The following SEMA6C variants were observed in gnomAD, a reference collection of about 807,000 sequenced individuals.
SEMA6C encodes semaphorin-6C.
In SEMA6C, 37 loss-of-function variants were observed where a neutral mutation model predicts 72.9. The observed-to-expected ratio is 0.51, with a 90% CI of 0.39 to 0.67. The LOEUF (loss-of-function observed/expected upper bound fraction) is 0.67, where lower values mean the gene tolerates loss of function less well. Among genes scored for constraint, SEMA6C ranks in the 30% least tolerant of loss-of-function variants. The pLI, the probability that SEMA6C is intolerant of heterozygous loss-of-function variation, is 0.00. For missense variants in SEMA6C, 1,189 were observed against 1,263.6 expected, an observed-to-expected ratio of 0.94 and a Z score of 0.89; for synonymous variants, 578 against 554.1, an observed-to-expected ratio of 1.04 and a Z score of -0.61.
In SEMA6C at chr1:151,132,935, C is replaced by T. The variant is rs986544794; in HGVS notation, c.2342G>A (p.Arg781Lys). 7 of 1,398,390 alleles carry T rather than the reference C, an allele frequency of 5.0e-6. No individual in the cohort carries two copies. The highest frequency in any genetic ancestry group is 6.5e-6 in the Non-Finnish European group (7 of 1,074,050). The allele number at this position is 1,398,390 out of a possible 1,614,324, so 86.6% of individuals were successfully genotyped here. A position where few individuals can be genotyped will look rare whatever the true frequency, so the allele number is the denominator to read the frequency against. ...AGGGGCGGGGGGCTCGGCCCCCTTT[C>T]TGGGCGGCTGCGGGCCGTGCAGGTA... ...LRYLHGPQPP[R>K]KGAEPPAPLT... is the part of the protein sequence containing the mutation. Residue 781 changes from arginine (R) to lysine (K), a missense_variant, in exon 19 of 19, where the codon AGA (arginine) becomes AAA (lysine). Arg to Lys is a conservative substitution (Grantham distance 26). Coordinates refer to ENST00000368914, the MANE Select transcript of SEMA6C (RefSeq NM_030913.6).
In SEMA6C at chr1:151,137,003, G is replaced by A. The variant is rs754057834; in HGVS notation, c.828C>T (p.His276=). The change falls in exon 11 of 19, where the codon CAC becomes CAT. Residue 276 remains histidine, a synonymous_variant. Coordinates refer to ENST00000368914, the MANE Select transcript of SEMA6C (RefSeq NM_030913.6). ...MGGSPRALDR[H]WTSFLKLRLN... Reference sequence around the variant, plus strand: ...GCCGAAGCTTCAGGAAGGATGTCCAGTGGCGGTCCAAGGCCCGAGGCGAGC... The same window carrying A: ...GCCGAAGCTTCAGGAAGGATGTCCAATGGCGGTCCAAGGCCCGAGGCGAGC... The A allele has an allele frequency of 2.1e-5, 34 of 1,614,068 alleles. No homozygotes were observed. Among genetic ancestry groups the A allele is most frequent in the Non-Finnish European group, 2.6e-5 (31 of 1,180,056 alleles).
chr1:151,139,092 CAAAAAAAAAA>C (rs887064091), intron 6 of SEMA6C, among the ~76,000 whole-genome samples: 2 of 53,108 alleles, frequency 3.8e-5, no homozygotes, highest in East Asian at 1.1e-3. Flanking sequence ...GACTCCGTCT[CAAAAAAAAAA>C]AAAAAAAAAG....
chr1:151,132,725 C>A lies in SEMA6C; in HGVS notation c.2552G>T (p.Arg851Met). 6.8e-7 allele frequency: 1 copy of A among 1,471,904 alleles called. No homozygotes were observed. Among genetic ancestry groups the A allele is most frequent in the Non-Finnish European group, 9.0e-7 (1 of 1,111,152 alleles). 91.2% of individuals were successfully genotyped at this position (1,471,904 alleles called of 1,614,324 possible). The change falls in exon 19 of 19, where the codon AGG becomes ATG. Residue 851 changes from arginine (R) to methionine (M), a missense_variant. Arg to Met is a moderately conservative substitution (Grantham distance 91). Around this residue, in one of 2 missense-constraint regions of SEMA6C, gnomAD observed 721 missense variants for 686.2 expected, o/e 1.05. Coordinates refer to ENST00000368914, the MANE Select transcript of SEMA6C (RefSeq NM_030913.6). ...APRLGVGGGR[R>M]LPFSGHRAPP... The stretch of plus-strand genomic sequence containing the variant: ...GGCCCGGTGGCCGGAGAAAGGCAAC[C>A]TCCGGCCTCCGCCGACGCCCAGCCG...
Position 151,134,693 on chromosome 1 carries a change from T to C in SEMA6C, c.1659-18A>G. 1 of 1,613,992 alleles carries C rather than the reference T, an allele frequency of 6.2e-7. No homozygotes were observed. Among genetic ancestry groups the C allele is most frequent in the Non-Finnish European group, 8.5e-7 (1 of 1,179,950 alleles). On this transcript the variant is annotated intron_variant, in intron 16 of 18. Transcript: ENST00000368914. Reference sequence around the variant, plus strand: ...CATCAGTCCTAGGAGGAAAACGAAGTGGCTATAGAATTCTGTACGTTGTCC... The same window carrying C: ...CATCAGTCCTAGGAGGAAAACGAAGCGGCTATAGAATTCTGTACGTTGTCC...
chr1:151,134,412 T>C lies in SEMA6C; in HGVS notation c.1748A>G (p.Asp583Gly). Residue 583 changes from aspartate to glycine, a missense_variant, in exon 18 of 19, where the codon GAT becomes GGT. By Grantham distance (94) the Asp-to-Gly change is moderately conservative. This residue lies in a region of SEMA6C where 721 missense variants were observed against 686.2 expected (regional missense o/e 1.05). Coordinates refer to ENST00000368914, the MANE Select transcript of SEMA6C (RefSeq NM_030913.6). ...GATGSQSGPGDSAYGVRRDLP... is the reference protein window; with the variant it reads ...GATGSQSGPGGSAYGVRRDLP... The stretch of plus-strand genomic sequence containing the variant: ...ACAAGAGGACTCACCATAAGCAGAA[T>C]CCCCAGGGCCAGACTGACTCCCAGT... The C allele has an allele frequency of 6.3e-7, 1 of 1,591,600 alleles. No individual in the cohort carries two copies. The highest frequency in any genetic ancestry group is 8.6e-7 in the Non-Finnish European group (1 of 1,168,786).
At chr1:151,134,521 G>A in intron 17 of SEMA6C, 76 bp from the exon 18 acceptor site, 1 of 1,603,444 alleles carries the variant, frequency 6.2e-7, no homozygotes, top group East Asian at 2.2e-5. Context: ...CTGTGCCACA[G>A]AAGGAGAGAA....
chr1:151,131,908 A>G lies in SEMA6C; in HGVS notation c.*576T>C. On this transcript the variant is annotated 3_prime_UTR_variant, in exon 19 of 19. Transcript: ENST00000368914. Reference sequence around the variant, plus strand: ...CGTTAATTCGCTCGTCTCCTTTAGGAAACCTTTCCAGACTGCCCCCCGGCG... The same window carrying G: ...CGTTAATTCGCTCGTCTCCTTTAGGGAACCTTTCCAGACTGCCCCCCGGCG... The G allele has an allele frequency of 4.8e-6, 1 of 209,810 alleles. No individual in the cohort carries two copies. Among genetic ancestry groups the G allele is most frequent in the South Asian group, 5.5e-5 (1 of 18,032 alleles). The allele number at this position is 209,810 out of a possible 1,614,324, so 13.0% of individuals were successfully genotyped here.
Position 151,136,568 on chromosome 1 carries a change from G to A in SEMA6C, c.986C>T (p.Ser329Phe), listed in dbSNP as rs767748385. 7 of 1,613,986 alleles carry A rather than the reference G, an allele frequency of 4.3e-6. No homozygotes were observed. Among genetic ancestry groups the A allele is most frequent in the African/African-American group, 1.3e-5 (1 of 74,922 alleles). ...FTTQTNSIPG[S>F]AVCAFYLDEI... ...ATCCAGGTAGAAGGCGCAGACGGCA[G>A]AGCCAGGGATGCTGGAGGAGCCAGA... The change falls in exon 12 of 19, where the codon TCT becomes TTT. Residue 329 changes from serine to phenylalanine, a missense_variant. Ser to Phe is a radical substitution (Grantham distance 155, BLOSUM62 -2). Around this residue, in one of 2 missense-constraint regions of SEMA6C, gnomAD observed 468 missense variants for 577.4 expected, o/e 0.81. Transcript: ENST00000368914.
Position 151,135,310 on chromosome 1 carries a change from C to T in SEMA6C, c.1434-1G>A, listed in dbSNP as rs765285506. On this transcript the variant is annotated splice_acceptor_variant, in intron 14 of 18. Transcript: ENST00000368914. LOFTEE classifies it high-confidence loss of function. ...TTGGGCTGTCCGCTTCCCACTGCACCTAGGGTGAGGCCAGAAGGAACCAGA... is the reference window on the plus strand; with the variant it reads ...TTGGGCTGTCCGCTTCCCACTGCACTTAGGGTGAGGCCAGAAGGAACCAGA... The T allele has an allele frequency of 6.2e-7, 1 of 1,612,772 alleles. No individual in the cohort carries two copies. The highest frequency in any genetic ancestry group is 8.5e-7 in the Non-Finnish European group (1 of 1,179,360).
At position 151,132,959 on chromosome 1, in the gene SEMA6C, T is replaced by G; in HGVS notation, c.2318A>C (p.Tyr773Ser). 1 of 1,411,314 alleles carries G rather than the reference T, an allele frequency of 7.1e-7. No individual in the cohort carries two copies. Among genetic ancestry groups the G allele is most frequent in the Non-Finnish European group, 9.3e-7 (1 of 1,079,124 alleles). 87.4% of individuals were successfully genotyped at this position (1,411,314 alleles called of 1,614,324 possible). Residue 773 changes from tyrosine (Y) to serine (S), a missense_variant, in exon 19 of 19, where the codon TAC becomes TCC. By Grantham distance (144) the Tyr-to-Ser change is moderately radical (BLOSUM62 -2). Transcript: ENST00000368914. ...EVTTLEELLR[Y>S]LHGPQPPRKG... is the part of the protein sequence containing the mutation. ...TCTGGGCGGCTGCGGGCCGTGCAGG[T>G]AGCGCAGCAGTTCCTCCAGGGTGGT... is the stretch of plus-strand genomic sequence containing the variant.
rs749627760 is a variant in SEMA6C at position 151,134,435 on chromosome 1, A to T, written c.1725T>A (p.Thr575=). ...AATCCCCAGGGCCAGACTGACTCCC[A>T]GTAGCTCCATCTATGAAGAAGGGAC... ...MEHGDCQDGA[T]GSQSGPGDSA... Residue 575 remains threonine (T), a synonymous_variant, in exon 18 of 19, where the codon ACT becomes ACA. Coordinates refer to ENST00000368914, the MANE Select transcript of SEMA6C (RefSeq NM_030913.6). 1.2e-5 allele frequency: 19 copies of T among 1,600,564 alleles called. No individual in the cohort carries two copies. In the Admixed American group the frequency reaches 2.8e-4, roughly 23 times the overall value.
Position 151,134,866 on chromosome 1 carries a change from C to T in SEMA6C, c.1590G>A (p.Leu530=), listed in dbSNP as rs779935958. ...ARHGACQRSC[L]ASQDPYCGWH... ...ATCCACAGTATGGGTCCTGAGAAGC[C>T]AAACAGCTCCTAGGGAAAACGGAGG... is the stretch of plus-strand genomic sequence containing the variant. The change falls in exon 16 of 19, where the codon TTG becomes TTA. Residue 530 remains leucine (L), a synonymous_variant. Coordinates refer to ENST00000368914, the MANE Select transcript of SEMA6C (RefSeq NM_030913.6). The T allele has an allele frequency of 1.0e-4, 163 of 1,613,834 alleles. 2 individuals carry two copies. The South Asian group carries it at 1.7e-3, about 17-fold the overall frequency.
In SEMA6C at chr1:151,142,618, G is replaced by C; in HGVS notation, c.4C>G (p.Pro2Ala). 1 of 1,574,392 alleles carries C rather than the reference G, an allele frequency of 6.4e-7. No homozygotes were observed. Among genetic ancestry groups the C allele is most frequent in the African/African-American group, 1.3e-5 (1 of 74,216 alleles). Residue 2 changes from proline (P) to alanine (A), a missense_variant, in exon 3 of 19, where the codon CCC becomes GCC. Pro to Ala is a conservative substitution (Grantham distance 27). Transcript: ENST00000368914. ...AAGGGCATGAAGTGGGGGGCACGGG[G>C]CATCCTGTGCGGGGCAGCTCAGGCC... The part of the protein sequence containing the change: M[P>A]RAPHFMPLLL...
chr1:151,133,552 A>AG lies in SEMA6C; in HGVS notation c.1760-36dup, dbSNP rs1281182509. 6.8e-7 allele frequency: 1 copy of AG among 1,472,968 alleles called. No individual in the cohort carries two copies. The highest frequency in any genetic ancestry group is 2.5e-5 in the East Asian group (1 of 39,914). 91.2% of individuals were successfully genotyped at this position (1,472,968 alleles called of 1,614,324 possible). ...GAGAGGGAGGAGGGAGGCTCAGCCAAGGGGAGGCGGTGCGGGGTACCTAGG... is the reference window on the plus strand; with the variant it reads ...GAGAGGGAGGAGGGAGGCTCAGCCAAGGGGGAGGCGGTGCGGGGTACCTAGG... On this transcript the variant is annotated intron_variant, in intron 18 of 18. Coordinates refer to ENST00000368914, the MANE Select transcript of SEMA6C (RefSeq NM_030913.6). This position sits in a 1 kb window ranked among gnomAD's most constrained non-coding sequence, Gnocchi z 5.9.
intron 4 of SEMA6C, 100 bp from the exon 5 acceptor site, chr1:151,139,801 C>G: frequency 7.8e-7 from 1 of 1,286,634 alleles, no homozygotes; most frequent in Non-Finnish European, 1.1e-6. Context: ...TTCTGGCCCT[C>G]CCCTTCCCCC....
chr1:151,134,565 G>T (rs937266546), intron 17 of SEMA6C, 55 bp downstream of exon 17: 16 of 1,608,450 alleles, frequency 9.9e-6, no homozygotes, highest in Non-Finnish European at 1.7e-6. Flanking sequence ...GGTGTCTGTG[G>T]CCATCATGGC....
At chr1:151,141,823 C>CT (rs1284988668) in intron 3 of SEMA6C, among the ~76,000 whole-genome samples, 1 of 149,796 alleles carries the variant, frequency 6.7e-6, no homozygotes, top group East Asian at 2.0e-4. Context: ...TGGCTATTCA[C>CT]AGGCGCCATC....
In SEMA6C at chr1:151,136,559, C is replaced by T; in HGVS notation, c.995G>A (p.Cys332Tyr). The T allele has an allele frequency of 6.2e-7, 1 of 1,614,096 alleles. No individual in the cohort carries two copies. Among genetic ancestry groups the T allele is most frequent in the Non-Finnish European group, 8.5e-7 (1 of 1,180,018 alleles). Reference protein sequence around the residue: ...QTNSIPGSAVCAFYLDEIERG... With the variant: ...QTNSIPGSAVYAFYLDEIERG... ...CTCAATCTCATCCAGGTAGAAGGCG[C>T]AGACGGCAGAGCCAGGGATGCTGGA... Residue 332 changes from cysteine to tyrosine, a missense_variant, in exon 12 of 19, where the codon TGC becomes TAC. By Grantham distance (194) the Cys-to-Tyr change is radical. This residue lies in a region of SEMA6C where 468 missense variants were observed against 577.4 expected (regional missense o/e 0.81). Coordinates refer to ENST00000368914, the MANE Select transcript of SEMA6C (RefSeq NM_030913.6).
chr1:151,132,403 G>C lies in SEMA6C; in HGVS notation c.*81C>G. On this transcript the variant is annotated 3_prime_UTR_variant, in exon 19 of 19. Coordinates refer to ENST00000368914, the MANE Select transcript of SEMA6C (RefSeq NM_030913.6). ...GCTGGAGGTGCGGGGCGAGGGGGCG[G>C]TGAAACGTCCTGAAGAGCGTCCAGC... The C allele has an allele frequency of 2.0e-6, 3 of 1,522,660 alleles. No homozygotes were observed. Among genetic ancestry groups the C allele is most frequent in the Non-Finnish European group, 2.6e-6 (3 of 1,132,470 alleles). The allele number at this position is 1,522,660 out of a possible 1,614,324, so 94.3% of individuals were successfully genotyped here.
Sources: gnomAD v4.1 joint callset for allele counts (sites outside exome capture counted in the v4.1 genomes callset) on GRCh38, gnomAD v4.1.1 for gene constraint, gnomAD v4.1.1 regional missense constraint, Gnocchi (gnomAD v3.1) non-coding constraint, MANE v1.5 for transcripts, NCBI Gene and HGNC (gene_info 2026-07-23, HGNC 2026-07-21) for gene names.